ROBO2: variants seen among roughly 807,000 people sequenced by gnomAD.
ROBO2 encodes roundabout homolog 2.
ROBO2 carries 53 observed loss-of-function variants against 160.8 expected under a neutral mutation model. The ratio of observed to expected loss-of-function variants is 0.33; its 90% confidence interval spans 0.26 to 0.41. The LOEUF is 0.41. Ranked by LOEUF, ROBO2 falls within the 10% of genes least tolerant of loss-of-function variation. The pLI is 1.00. For synonymous variants in ROBO2, 664 were observed against 611.7 expected (o/e 1.09, Z -1.26); for missense variants, 1,577 against 1,722.4 (o/e 0.92, Z 1.49).
rs28670854 is a variant in ROBO2 at position 76,080,425 on chromosome 3, C to T, written c.109+142823C>T. Among the ~76,000 whole-genome samples the T allele has an allele frequency of 6.5e-3, 987 of 152,228 alleles. 18 individuals carry two copies. Among genetic ancestry groups the T allele is most frequent in the African/African-American group, 0.022 (922 of 41,546 alleles). ...GGGACTTCGGGTGGAAGAACTGGAGCCTGGATTATGTTGTAAAAAACCGTA... is the reference window on the plus strand; with the variant it reads ...GGGACTTCGGGTGGAAGAACTGGAGTCTGGATTATGTTGTAAAAAACCGTA... On this transcript the variant is annotated intron_variant, in intron 2 of 26. Transcript: ENST00000487694.
intron 2 of ROBO2, among the ~76,000 whole-genome samples, chr3:76,710,126 C>CTTTTTTTTTTTTTCTTTTCT (rs34165260): frequency 6.8e-6 from 1 of 147,138 alleles, no homozygotes; most frequent in African/African-American, 2.5e-5. Flanking sequence ...TTTTTCTTTT[C>CTTTTTTTTTTTTTCTTTTCT]TTTTTTTTTT....
chr3:77,541,393 CA>C (rs1328933691), intron 6 of ROBO2, among the ~76,000 whole-genome samples: 1 of 152,172 alleles, frequency 6.6e-6, no homozygotes, highest in Non-Finnish European at 1.5e-5. Context: ...CAGGCATTAG[CA>C]TAACAGAGCT....
chr3:77,094,121 T>C (rs1267363092), intron 1 of ROBO2, among the ~76,000 whole-genome samples: 1 of 152,120 alleles, frequency 6.6e-6, no homozygotes, highest in East Asian at 1.9e-4. Flanking sequence ...CCCATCCCCA[T>C]TGGCAGCACT....
At chr3:77,390,810 G>A (rs1050874918) in intron 2 of ROBO2, among the ~76,000 whole-genome samples, 7 of 152,140 alleles carry the variant, frequency 4.6e-5, no homozygotes, top group African/African-American at 1.7e-4. Flanking sequence ...TATACACAGT[G>A]TCTGAAGTGT....
intron 1 of ROBO2, among the ~76,000 whole-genome samples, chr3:75,910,845 A>G (rs1946545337): frequency 6.6e-6 from 1 of 152,242 alleles, no homozygotes. Flanking sequence ...TACTGAACAA[A>G]TATTCTGTCA....
intron 1 of ROBO2, among the ~76,000 whole-genome samples, chr3:77,050,109 A>G (rs945697513): frequency 1.1e-4 from 16 of 152,224 alleles, no homozygotes; most frequent in African/African-American, 3.9e-4. Context: ...TATAAAATAT[A>G]GATTTCAGGG....
intron 2 of ROBO2, among the ~76,000 whole-genome samples, chr3:76,044,109 A>T (rs1576612402): frequency 6.6e-6 from 1 of 152,070 alleles, no homozygotes; most frequent in Non-Finnish European, 1.5e-5. Flanking sequence ...TATTGTTCTC[A>T]TGCTGAGACA....
rs1169192961 is a variant in ROBO2 at position 76,215,643 on chromosome 3, A to G, written c.109+278041A>G. Among the ~76,000 whole-genome samples, 6 of 152,326 alleles carry G rather than the reference A, an allele frequency of 3.9e-5. No individual in the cohort carries two copies. In the South Asian group the frequency reaches 8.3e-4, roughly 21 times the overall value. On this transcript the variant is annotated intron_variant, in intron 2 of 26. Coordinates refer to the ROBO2 transcript ENST00000487694. Reference sequence around the variant, plus strand: ...TAAAAAGAAATGAACAAAGACTCCAAGAAATATGGGACTATGTGAAAAGAC... The same window carrying G: ...TAAAAAGAAATGAACAAAGACTCCAGGAAATATGGGACTATGTGAAAAGAC...
intron 2 of ROBO2, among the ~76,000 whole-genome samples, chr3:77,414,565 C>A (rs908308419): frequency 5.3e-5 from 8 of 152,010 alleles, no homozygotes; most frequent in Non-Finnish European, 1.0e-4. Context: ...ATTGCTGAAG[C>A]AAAGTACTTG....
At chr3:77,589,680 AAGAG>A (rs1337117649) in intron 17 of ROBO2, among the ~76,000 whole-genome samples, 1 of 152,046 alleles carries the variant, frequency 6.6e-6, no homozygotes, top group Non-Finnish European at 1.5e-5. Context: ...GTAGAGAGAG[AAGAG>A]AGAGAGGACA....
chr3:77,553,407 C>T (rs2092994005), intron 8 of ROBO2, among the ~76,000 whole-genome samples: 1 of 151,884 alleles, frequency 6.6e-6, no homozygotes, highest in Non-Finnish European at 1.5e-5. Context: ...CAGTCAGTAT[C>T]TCTACAGTGG....
chr3:75,919,925 C>T (rs1430291131), intron 1 of ROBO2, among the ~76,000 whole-genome samples: 1 of 152,054 alleles, frequency 6.6e-6, no homozygotes, highest in African/African-American at 2.4e-5. Context: ...ATTTTTCTCT[C>T]TTTTCTTCCT....
intron 2 of ROBO2, among the ~76,000 whole-genome samples, chr3:76,147,016 A>G (rs923438265): frequency 1.3e-5 from 2 of 151,272 alleles, no homozygotes; most frequent in African/African-American, 4.8e-5. Context: ...AAATAAGAGT[A>G]CTAGGTTTAA....
intron 2 of ROBO2, among the ~76,000 whole-genome samples, chr3:77,293,662 A>G (rs1458988682): frequency 1.4e-5 from 2 of 140,228 alleles, no homozygotes; most frequent in African/African-American, 2.9e-5. Flanking sequence ...ACCCAGACAT[A>G]AAGTAAAATT....
chr3:77,150,323 C>T (rs534531671), intron 2 of ROBO2, among the ~76,000 whole-genome samples: 48 of 152,026 alleles, frequency 3.2e-4, no homozygotes, highest in African/African-American at 8.9e-4. Context: ...ATAGCTGTCC[C>T]GGGTGAGAGA....
intron 2 of ROBO2, among the ~76,000 whole-genome samples, chr3:76,203,999 C>A (rs1365112098): frequency 1.3e-5 from 2 of 152,152 alleles, no homozygotes; most frequent in Non-Finnish European, 2.9e-5. Flanking sequence ...GTAAATAATG[C>A]CTTTAATAAA....
intron 2 of ROBO2, among the ~76,000 whole-genome samples, chr3:76,591,502 C>G (rs564525984): frequency 4.0e-4 from 61 of 152,160 alleles, no homozygotes; most frequent in Admixed American, 4.6e-4. Flanking sequence ...ATAGAAGTTA[C>G]TGAAAATAAA....
At chr3:76,510,447 G>A (rs1466857186) in intron 2 of ROBO2, among the ~76,000 whole-genome samples, 1 of 152,122 alleles carries the variant, frequency 6.6e-6, no homozygotes, top group Non-Finnish European at 1.5e-5. Flanking sequence ...AATATGGCTG[G>A]GGGCAGTGGC....
chr3:76,091,344 A>G (rs68138315), intron 2 of ROBO2, among the ~76,000 whole-genome samples: 22,860 of 152,216 alleles, frequency 0.15, 2,329 homozygotes, highest in East Asian at 0.44. Context: ...TATATTCAGC[A>G]TATATAATTA....
Sources: allele counts gnomAD v4.1 joint callset (sites outside exome capture counted in the v4.1 genomes callset), GRCh38; gene constraint gnomAD v4.1.1; transcripts MANE v1.5; gene names NCBI Gene and HGNC (gene_info 2026-07-23, HGNC 2026-07-21).